Variants in RBBP8NL observed in about 807,000 individuals in gnomAD.
The protein encoded by RBBP8NL is RBBP8 N-terminal like.
A neutral mutation model predicts 62.2 loss-of-function variants in RBBP8NL; 59 were observed. The observed-to-expected ratio is 0.95, with a 90% CI of 0.77 to 1.18. The LOEUF (loss-of-function observed/expected upper bound fraction) is 1.18, where lower values mean the gene tolerates loss of function less well. Among genes scored for constraint, RBBP8NL ranks in the 50% most tolerant of loss-of-function variants. The pLI is 0.00. For synonymous variants in RBBP8NL, 412 were observed against 394.1 expected (o/e 1.05, Z -0.54); for missense variants, 896 against 899.5 (o/e 1.00, Z 0.05).
At chr20:62,417,170 C>G in intron 4 of RBBP8NL, 54 bp downstream of exon 4, 3 of 1,386,640 alleles carry the variant, frequency 2.2e-6, no homozygotes, top group Non-Finnish European at 3.0e-6. Context: ...TCACCTCCTC[C>G]TCTCCTGAGC....
chr20:62,412,488 T>A (rs1988455229), intron 13 of RBBP8NL, 136 bp downstream of exon 13: 5 of 1,192,318 alleles, frequency 4.2e-6, no homozygotes, highest in Non-Finnish European at 6.0e-6. Flanking sequence ...TTGGGGAGGG[T>A]TGAGGTTCAT....
At chr20:62,425,449 C>A (rs1051571516) in intron 1 of RBBP8NL, among the ~76,000 whole-genome samples, 2 of 152,222 alleles carry the variant, frequency 1.3e-5, no homozygotes, top group African/African-American at 4.8e-5. Context: ...GTGGCTACAC[C>A]CAGGGGAGAT....
rs747228572 is a variant in RBBP8NL, at chr20:62,413,411, G to A, written c.1665C>T (p.Asp555=). 15 of 1,449,582 alleles carry A rather than the reference G, an allele frequency of 1.0e-5. No individual in the cohort carries two copies. The highest frequency in any genetic ancestry group is 2.6e-5 in the East Asian group (1 of 38,954). 89.8% of individuals were successfully genotyped at this position (1,449,582 alleles called of 1,614,324 possible). A position where few individuals can be genotyped will look rare whatever the true frequency, so the allele number is the denominator to read the frequency against. ...AGGTGCTGACTGTACCTGGGTGGCC[G>A]TCCAGGTCAGGCGGCTGTGGGTGGG... ...PPPHPQPPDL[D]GHPEPSKAEV... Residue 555 remains aspartate (D), a synonymous_variant, in exon 11 of 14, where the codon GAC becomes GAT. Transcript: ENST00000252998.
intron 11 of RBBP8NL, 147 bp from the exon 12 acceptor site, chr20:62,413,047 A>G (rs1295509399): frequency 1.1e-6 from 1 of 933,672 alleles, no homozygotes; most frequent in Non-Finnish European, 1.6e-6. Context: ...GCACTGGCTG[A>G]CAGGAGGCCG....
At chr20:62,421,191 C>T (rs762984920) in intron 1 of RBBP8NL, among the ~76,000 whole-genome samples, 22 of 152,352 alleles carry the variant, frequency 1.4e-4, no homozygotes, top group Middle Eastern at 3.4e-3. Context: ...TTGTGCTTCA[C>T]GCGGTCGGGT....
At position 62,415,927 on chromosome 20, in the gene RBBP8NL, C is replaced by T. The variant is rs1223575357; in HGVS notation, c.405G>A (p.Arg135=). 2.6e-6 allele frequency: 4 copies of T among 1,552,210 alleles called. No individual in the cohort carries two copies. Among genetic ancestry groups the T allele is most frequent in the South Asian group, 1.2e-5 (1 of 83,260 alleles). ...GGGGGTCCGAGGTGCCCTCCTTGGC[C>T]CGGGGCTTGGGCCTGTCTCTAGAGG... ...LRGLGDRPKP[R]AKEGTSDPPS... The change falls in exon 7 of 14, where the codon CGG becomes CGA. Residue 135 remains arginine (R), a synonymous_variant. Transcript: ENST00000252998.
rs1282557062 is a variant in RBBP8NL, at chr20:62,416,151, C to G, written c.386+13G>C. 3 of 1,608,914 alleles carry G rather than the reference C, an allele frequency of 1.9e-6. No individual in the cohort carries two copies. Among genetic ancestry groups the G allele is most frequent in the South Asian group, 1.1e-5 (1 of 89,928 alleles). On this transcript the variant is annotated intron_variant, in intron 6 of 13. Transcript: ENST00000252998. ...AGTTGGGTGTCTGAGCCCTGGGACCCTTTCCCACTCACCCCAGGCCCCGAA... is the reference window on the plus strand; with the variant it reads ...AGTTGGGTGTCTGAGCCCTGGGACCGTTTCCCACTCACCCCAGGCCCCGAA...
chr20:62,413,541 G>T lies in RBBP8NL; in HGVS notation c.1535C>A (p.Pro512His). ...CTGGGACCCTGGAAGTGGGCGTGAG[G>T]GGTCCTGGGGGGAGGCAAGTAGGTG... Reference protein sequence around the residue: ...EQEEASTPMDPSRPLPGSQLS... With the variant: ...EQEEASTPMDHSRPLPGSQLS... The change falls in exon 11 of 14, where the codon CCC becomes CAC. Residue 512 changes from proline to histidine, a missense_variant. Coordinates refer to ENST00000252998, the MANE Select transcript of RBBP8NL (RefSeq NM_080833.3). 2 of 1,517,256 alleles carry T rather than the reference G, an allele frequency of 1.3e-6. No homozygotes were observed. The highest frequency in any genetic ancestry group is 8.8e-7 in the Non-Finnish European group (1 of 1,138,266). The allele number at this position is 1,517,256 out of a possible 1,614,324, so 94.0% of individuals were successfully genotyped here. A position where few individuals can be genotyped will look rare whatever the true frequency, so the allele number is the denominator to read the frequency against.
In RBBP8NL at chr20:62,412,839, T is replaced by C. The variant is rs1307546000; in HGVS notation, c.1737A>G (p.Pro579=). 12 of 1,613,506 alleles carry C rather than the reference T, an allele frequency of 7.4e-6. 1 individual carries two copies. The highest frequency in any genetic ancestry group is 2.2e-5 in the South Asian group (2 of 91,088). Reference sequence around the variant, plus strand: ...TGTGGCCTGGACCCACCTCGCTGCCTGGGGTGTCTGTCTCATCCAGTTCGT... The same window carrying C: ...TGTGGCCTGGACCCACCTCGCTGCCCGGGGTGTCTGTCTCATCCAGTTCGT... The part of the protein sequence containing the change: ...ESDELDETDT[P]GSEVGLSSQA... The change falls in exon 12 of 14, where the codon CCA becomes CCG. Residue 579 remains proline, a synonymous_variant. Transcript: ENST00000252998.
At chr20:62,424,963 C>T (rs559473504) in intron 1 of RBBP8NL, among the ~76,000 whole-genome samples, 6 of 151,566 alleles carry the variant, frequency 4.0e-5, no homozygotes, top group South Asian at 2.1e-4. Context: ...TCAGTCTGGG[C>T]GGAGGGTAAA....
At chr20:62,422,032 C>T (rs1037822584) in intron 1 of RBBP8NL, among the ~76,000 whole-genome samples, 1 of 152,190 alleles carries the variant, frequency 6.6e-6, no homozygotes, top group Non-Finnish European at 1.5e-5. Context: ...GAACCCCCTG[C>T]CTCCCCCCAT....
At chr20:62,413,300 G>T in intron 11 of RBBP8NL, 101 bp downstream of exon 11, 2 of 1,320,562 alleles carry the variant, frequency 1.5e-6, no homozygotes, top group Non-Finnish European at 2.0e-6. Context: ...GGCAGAGCTG[G>T]GCCTGGAGAC....
At chr20:62,417,116 A>T in intron 4 of RBBP8NL, 108 bp downstream of exon 4, 1 of 842,466 alleles carries the variant, frequency 1.2e-6, no homozygotes, top group South Asian at 1.7e-5. Flanking sequence ...TTCCTGGTTC[A>T]GTTTATCCTG....
intron 8 of RBBP8NL, 80 bp downstream of exon 8, chr20:62,415,498 T>A: frequency 6.7e-7 from 1 of 1,488,078 alleles, no homozygotes; most frequent in South Asian, 1.1e-5. Context: ...GAGGCTGGCA[T>A]ACTGAAAGTG....
chr20:62,414,250 C>T lies in RBBP8NL; in HGVS notation c.1101G>A (p.Arg367=), dbSNP rs753414749. The T allele has an allele frequency of 6.3e-7, 1 of 1,595,458 alleles. No individual in the cohort carries two copies. Among genetic ancestry groups the T allele is most frequent in the East Asian group, 2.3e-5 (1 of 44,214 alleles). Residue 367 remains arginine, a synonymous_variant, in exon 10 of 14, where the codon AGG becomes AGA. Transcript: ENST00000252998. ...LLLAQQQLRA[R]ARAGSVRPRG... is the part of the protein sequence containing the mutation. ...TTGGCCTGACACTGCCTGCCCTGGC[C>T]CTAGCCCGCAGCTGCTGCTGGGCCA...
chr20:62,414,463 CAG>C lies in RBBP8NL; in HGVS notation c.886_887del (p.Leu296ValfsTer71), dbSNP rs1988515877. ...TGTGGGGGCTCTGAAGGTGCAGGGA[CAG>C]GGGGCGGTTTAGGAGGCAGAGCCGG... ...VDRLCLLNRP[L>X]SLHLQSPHSS... On this transcript the variant is annotated frameshift_variant, in exon 10 of 14. Transcript: ENST00000252998. LOFTEE classifies it high-confidence loss of function. 8 of 1,487,294 alleles carry C rather than the reference CAG, an allele frequency of 5.4e-6. No individual in the cohort carries two copies. Among genetic ancestry groups the C allele is most frequent in the Non-Finnish European group, 7.2e-6 (8 of 1,115,084 alleles). The allele number at this position is 1,487,294 out of a possible 1,614,324, so 92.1% of individuals were successfully genotyped here.
chr20:62,424,110 G>T (rs1490694564), intron 1 of RBBP8NL, among the ~76,000 whole-genome samples: 1 of 151,878 alleles, frequency 6.6e-6, no homozygotes. Context: ...GCTTCACAGG[G>T]CTGGGGTGAG....
chr20:62,413,342 T>C, intron 11 of RBBP8NL, 59 bp downstream of exon 11: 1 of 1,364,020 alleles, frequency 7.3e-7, no homozygotes, highest in South Asian at 2.0e-5. Context: ...ACCACCACCC[T>C]CTCTCTCCGT....
At chr20:62,412,392 G>A (rs1988453537) in intron 13 of RBBP8NL, among the ~76,000 whole-genome samples, 1 of 152,210 alleles carries the variant, frequency 6.6e-6, no homozygotes, top group Admixed American at 6.5e-5. Context: ...CTCAGATTTG[G>A]AAGGACCTGA....
Sources: allele counts gnomAD v4.1 joint callset (sites outside exome capture counted in the v4.1 genomes callset), GRCh38; gene constraint gnomAD v4.1.1; transcripts MANE v1.5; gene names NCBI Gene and HGNC (gene_info 2026-07-23, HGNC 2026-07-21).